The following CEP112 variants were observed in gnomAD, a reference collection of about 807,000 sequenced individuals.
The protein encoded by CEP112 is centrosomal protein 112, also known as centrosomal protein of 112 kDa.
In CEP112, 127 loss-of-function variants were observed where a neutral mutation model predicts 153.0. That is an observed-to-expected ratio of 0.83 (90% CI 0.72 to 0.96). The LOEUF is 0.96. Ranked by LOEUF, CEP112 falls within the 40% of genes least tolerant of loss-of-function variation. The pLI, the probability that CEP112 is intolerant of heterozygous loss-of-function variation, is 0.00. For missense variants in CEP112, 1,089 were observed against 1,101.2 expected (o/e 0.99, Z 0.16); for synonymous variants, 358 against 374.4 (o/e 0.96, Z 0.51).
intron 16 of CEP112, among the ~76,000 whole-genome samples, chr17:66,019,251 G>C (rs2064896590): frequency 6.6e-6 from 1 of 152,084 alleles, no homozygotes; most frequent in Non-Finnish European, 1.5e-5. Context: ...CCCCTGAAGA[G>C]ATATTTAGAA....
intron 23 of CEP112, among the ~76,000 whole-genome samples, chr17:65,709,871 C>A (rs2049089724): frequency 6.6e-6 from 1 of 152,162 alleles, no homozygotes; most frequent in Admixed American, 6.5e-5. Flanking sequence ...ACATTGCTAC[C>A]AATGATCTTT....
chr17:65,762,866 AAAAT>A (rs2052696646), intron 21 of CEP112, among the ~76,000 whole-genome samples: 1 of 152,062 alleles, frequency 6.6e-6, no homozygotes, highest in Admixed American at 6.6e-5. Flanking sequence ...ATTATGAAGA[AAAAT>A]AAAAGTTTTA....
chr17:66,093,330 T>C (rs1432789514), intron 8 of CEP112, among the ~76,000 whole-genome samples: 1 of 152,032 alleles, frequency 6.6e-6, no homozygotes, highest in Non-Finnish European at 1.5e-5. Context: ...CAACAGAGCA[T>C]GACTGTCTCC....
chr17:66,166,096 T>C (rs2071943767), intron 4 of CEP112, among the ~76,000 whole-genome samples: 2 of 152,186 alleles, frequency 1.3e-5, no homozygotes, highest in Admixed American at 6.5e-5. Flanking sequence ...ATAATTTATA[T>C]AAAATTAGCC....
chr17:65,916,289 G>GTGTGTGTGTGTGTATGTA (rs777844271), intron 19 of CEP112, among the ~76,000 whole-genome samples: 16 of 147,248 alleles, frequency 1.1e-4, no homozygotes, highest in Non-Finnish European at 1.8e-4. Context: ...GTGTGTGTGT[G>GTGTGTGTGTGTGTATGTA]TGTATGTGTG....
intron 18 of CEP112, among the ~76,000 whole-genome samples, chr17:65,934,224 A>G (rs944135498): frequency 3.3e-5 from 5 of 152,218 alleles, no homozygotes; most frequent in African/African-American, 1.2e-4. Flanking sequence ...AAATTATAAA[A>G]AGCTGTAAAT....
chr17:65,899,657 A>C (rs968031366), intron 20 of CEP112, among the ~76,000 whole-genome samples: 5 of 151,748 alleles, frequency 3.3e-5, no homozygotes, highest in Non-Finnish European at 7.4e-5. Context: ...AATAGATTTT[A>C]AGGAAACTGT....
At chr17:65,776,000 C>T (rs1011338460) in intron 21 of CEP112, among the ~76,000 whole-genome samples, 1 of 152,212 alleles carries the variant, frequency 6.6e-6, no homozygotes, top group South Asian at 2.1e-4. Flanking sequence ...GAGGTGTCAG[C>T]CCCTGACTTC....
chr17:65,784,514 T>G (rs1032206256), intron 21 of CEP112, among the ~76,000 whole-genome samples: 6 of 152,166 alleles, frequency 3.9e-5, no homozygotes, highest in Non-Finnish European at 5.9e-5. Flanking sequence ...GGAACCTCAC[T>G]CTGTCGCCCA....
intron 6 of CEP112, among the ~76,000 whole-genome samples, chr17:66,126,031 T>G (rs1193577635): frequency 6.6e-6 from 1 of 152,196 alleles, no homozygotes; most frequent in Non-Finnish European, 1.5e-5. Flanking sequence ...TTCCCATCCA[T>G]TTCTATACCT....
chr17:65,908,532 C>T (rs2060166886), intron 19 of CEP112, among the ~76,000 whole-genome samples: 1 of 151,926 alleles, frequency 6.6e-6, no homozygotes. Context: ...CCATCTCTAC[C>T]ACAAATACAA....
At chr17:65,716,353 G>T (rs553209883) in intron 23 of CEP112, among the ~76,000 whole-genome samples, 1 of 152,182 alleles carries the variant, frequency 6.6e-6, no homozygotes, top group Admixed American at 6.5e-5. Context: ...TAGAGATGGG[G>T]TTTTACCATG....
chr17:66,185,720 G>A (rs1315238978), intron 1 of CEP112, among the ~76,000 whole-genome samples: 1 of 152,158 alleles, frequency 6.6e-6, no homozygotes, highest in African/African-American at 2.4e-5. Context: ...TGATAGGGAT[G>A]TGCGCTACCT....
chr17:65,902,046 G>T, intron 20 of CEP112, 106 bp downstream of exon 20: 2 of 393,410 alleles, frequency 5.1e-6, no homozygotes, highest in Non-Finnish European at 8.2e-6. Context: ...TGTCAGTTTT[G>T]CAAATGATCA....
chr17:65,805,123 C>G (rs917841756), intron 21 of CEP112, among the ~76,000 whole-genome samples: 1 of 152,128 alleles, frequency 6.6e-6, no homozygotes, highest in Admixed American at 6.5e-5. Context: ...GCTGAAATTA[C>G]AGGCAGGAGC....
Position 65,812,220 on chromosome 17 carries a change from G to T in CEP112, c.2394+39584C>A, listed in dbSNP as rs561764207. ...GGGTTTCACCATGTTAGCCAGGATG[G>T]TCTTGATCTTCTGACCTCATGATCC... On this transcript the variant is annotated intron_variant, in intron 21 of 26. Coordinates refer to ENST00000535342, the MANE Select transcript of CEP112 (RefSeq NM_001199165.4). Among the ~76,000 whole-genome samples, 201 of 152,244 alleles carry T rather than the reference G, an allele frequency of 1.3e-3. 1 individual carries two copies. Among genetic ancestry groups the T allele is most frequent in the Non-Finnish European group, 2.6e-3 (176 of 68,002 alleles).
At chr17:65,826,072 A>C in intron 21 of CEP112, 1 of 1,517,008 alleles carries the variant, frequency 6.6e-7, no homozygotes, top group Non-Finnish European at 9.1e-7. Context: ...AACTCAGCTC[A>C]GCAATGAGAT....
At chr17:65,691,950 C>T (rs146508973) in intron 23 of CEP112, among the ~76,000 whole-genome samples, 14 of 152,346 alleles carry the variant, frequency 9.2e-5, no homozygotes, top group African/African-American at 3.4e-4. Context: ...AGAGACAGCT[C>T]TCACTCCTTA....
intron 24 of CEP112, among the ~76,000 whole-genome samples, chr17:65,651,305 A>G (rs2045759970): frequency 6.6e-6 from 1 of 152,212 alleles, no homozygotes; most frequent in South Asian, 2.1e-4. Context: ...TCTATTGCAT[A>G]TAGACCACAG....
Sources: allele counts gnomAD v4.1 joint callset (sites outside exome capture counted in the v4.1 genomes callset), GRCh38; gene constraint gnomAD v4.1.1; transcripts MANE v1.5; gene names NCBI Gene and HGNC (gene_info 2026-07-23, HGNC 2026-07-21).